Variants in ATP8A2 observed in about 807,000 individuals in gnomAD.
The protein encoded by ATP8A2 is ATPase phospholipid transporting 8A2.
Under a neutral mutation model 165.6 loss-of-function variants are expected in ATP8A2, and 100 were observed. The observed-to-expected ratio is 0.60, with a 90% confidence interval of 0.51 to 0.71. ATP8A2 has a LOEUF of 0.71. Ranked by LOEUF, ATP8A2 falls within the 30% of genes least tolerant of loss-of-function variation. The pLI, the probability that ATP8A2 is intolerant of heterozygous loss-of-function variation, is 0.00. For missense variants in ATP8A2, 1,227 were observed against 1,479.5 expected, an observed-to-expected ratio of 0.83 and a Z score of 2.80; for synonymous variants, 543 against 548.8, an observed-to-expected ratio of 0.99 and a Z score of 0.15.
chr13:25,736,639 A>G (rs1181580207), intron 25 of ATP8A2, among the ~76,000 whole-genome samples: 2 of 152,216 alleles, frequency 1.3e-5, no homozygotes, highest in Non-Finnish European at 2.9e-5. Flanking sequence ...GAATTCTGCT[A>G]TTGCTGCACA....
chr13:25,795,968 AAGAC>A, intron 27 of ATP8A2, among the ~76,000 whole-genome samples: 1 of 151,628 alleles, frequency 6.6e-6, no homozygotes, highest in Admixed American at 6.6e-5. Context: ...TTTTTTTTAA[AAGAC>A]AGGGTCTTGC....
chr13:25,923,865 A>G lies in ATP8A2; in HGVS notation c.3184-37710A>G, dbSNP rs139575242. 1.4e-3 allele frequency among the ~76,000 whole-genome samples: 209 copies of G among 152,324 alleles called. 2 individuals are homozygous for G. The highest frequency in any genetic ancestry group is 4.7e-3 in the African/African-American group (194 of 41,578). ...TCTAAGATTGCCACATAGGTAGATT[A>G]TGTAATCCTAGCATCTTCTGTGTGG... is the stretch of plus-strand genomic sequence containing the variant. On this transcript the variant is annotated intron_variant, in intron 33 of 36. Transcript: ENST00000381655.
intron 2 of ATP8A2, among the ~76,000 whole-genome samples, chr13:25,474,411 A>C (rs1050965255): frequency 9.2e-5 from 14 of 151,908 alleles, no homozygotes; most frequent in Non-Finnish European, 1.5e-5. Context: ...AATACAAAAA[A>C]ATTAGCTGGG....
chr13:25,845,135 C>T (rs1371029872), intron 30 of ATP8A2, among the ~76,000 whole-genome samples: 1 of 152,194 alleles, frequency 6.6e-6, no homozygotes, highest in African/African-American at 2.4e-5. Context: ...CACAGCCATA[C>T]ACTTACTGCC....
At chr13:25,483,679 T>C (rs1008686688) in intron 2 of ATP8A2, among the ~76,000 whole-genome samples, 14 of 152,090 alleles carry the variant, frequency 9.2e-5, no homozygotes, top group African/African-American at 2.7e-4. Context: ...GGCAGGAAGA[T>C]TGTTTGAGGC....
Position 25,877,901 on chromosome 13 carries a change from C to T in ATP8A2, c.3183+15493C>T, listed in dbSNP as rs1566229350. On this transcript the variant is annotated intron_variant, in intron 33 of 36. Coordinates refer to ENST00000381655, the MANE Select transcript of ATP8A2 (RefSeq NM_016529.6). ...CAAAGGGAACATGCTGCATTTCCAG[C>T]GACTTCCTAACAGTGTCACCTGTGT... is the stretch of plus-strand genomic sequence containing the variant. Among the ~76,000 whole-genome samples the T allele has an allele frequency of 3.9e-5, 6 of 152,160 alleles. 1 individual carries two copies. The South Asian group carries it at 8.3e-4, about 21-fold the overall frequency.
At position 25,443,712 on chromosome 13, in the gene ATP8A2, A is replaced by C. The variant is rs115110142; in HGVS notation, c.77-25265A>C. Among the ~76,000 whole-genome samples the C allele has an allele frequency of 4.9e-3, 742 of 152,202 alleles. 5 individuals carry two copies. The highest frequency in any genetic ancestry group is 0.017 in the African/African-American group (716 of 41,514). On this transcript the variant is annotated intron_variant, in intron 1 of 36. Coordinates refer to ENST00000381655, the MANE Select transcript of ATP8A2 (RefSeq NM_016529.6). ...TTTTCTCTTTATAAAATACTGCATA[A>C]ATTATTTGTTTATTTTGTTTATTGT...
At chr13:25,576,761 T>A (rs2039629983) in intron 19 of ATP8A2, among the ~76,000 whole-genome samples, 2 of 152,070 alleles carry the variant, frequency 1.3e-5, no homozygotes, top group Non-Finnish European at 2.9e-5. Flanking sequence ...TTTTAGAGAG[T>A]AGAGTCAGAA....
chr13:25,790,899 G>C (rs1207518558), intron 27 of ATP8A2, among the ~76,000 whole-genome samples: 1 of 152,098 alleles, frequency 6.6e-6, no homozygotes, highest in East Asian at 1.9e-4. Context: ...TGGCGAGGTG[G>C]TGGAGAAAAA....
intron 33 of ATP8A2, among the ~76,000 whole-genome samples, chr13:25,952,426 A>G (rs1418149222): frequency 6.6e-6 from 1 of 151,832 alleles, no homozygotes; most frequent in Non-Finnish European, 1.5e-5. Flanking sequence ...TGTCACCTAA[A>G]CTGGAGTGCA....
intron 24 of ATP8A2, 85 bp downstream of exon 24, chr13:25,589,784 T>C (rs936341167): frequency 8.3e-6 from 7 of 843,348 alleles, no homozygotes; most frequent in African/African-American, 5.2e-5. Context: ...TCAGGGATCA[T>C]GTTTTGCTAA....
intron 24 of ATP8A2, chr13:25,648,999 ATCT>A (rs751210457): frequency 2.0e-6 from 1 of 504,158 alleles, no homozygotes; most frequent in East Asian, 5.6e-5. Flanking sequence ...CATTTTATTG[ATCT>A]CCCTTTCATT....
At chr13:25,684,546 C>A (rs1052594568) in intron 24 of ATP8A2, among the ~76,000 whole-genome samples, 7 of 152,166 alleles carry the variant, frequency 4.6e-5, no homozygotes, top group Non-Finnish European at 7.3e-5. Context: ...AAATTAGAAA[C>A]CTCTTGGTAT....
intron 27 of ATP8A2, among the ~76,000 whole-genome samples, chr13:25,790,544 A>T (rs961309296): frequency 1.3e-5 from 2 of 151,656 alleles, no homozygotes; most frequent in African/African-American, 4.8e-5. Flanking sequence ...AAAGTCCAAA[A>T]ATTAGCTGGG....
intron 15 of ATP8A2, among the ~76,000 whole-genome samples, chr13:25,561,171 A>G (rs2039142085): frequency 1.3e-5 from 2 of 152,184 alleles, no homozygotes; most frequent in South Asian, 4.1e-4. Context: ...ATTATTTTGG[A>G]CATTCATTGG....
At chr13:25,443,250 C>T (rs1469424154) in intron 1 of ATP8A2, among the ~76,000 whole-genome samples, 1 of 152,106 alleles carries the variant, frequency 6.6e-6, no homozygotes, top group South Asian at 2.1e-4. Flanking sequence ...TGATAGCAAC[C>T]TATAGTGATT....
At chr13:25,902,339 G>A (rs1283710891) in intron 33 of ATP8A2, among the ~76,000 whole-genome samples, 1 of 152,018 alleles carries the variant, frequency 6.6e-6, no homozygotes, top group Non-Finnish European at 1.5e-5. Context: ...CAAAGCCTTG[G>A]GAAACACTGG....
chr13:25,985,167 T>C (rs1342984964), intron 35 of ATP8A2, among the ~76,000 whole-genome samples: 5 of 152,214 alleles, frequency 3.3e-5, no homozygotes, highest in African/African-American at 1.2e-4. Flanking sequence ...ACCTACTGGG[T>C]AGCTGTTTAT....
intron 33 of ATP8A2, among the ~76,000 whole-genome samples, chr13:25,952,447 C>T (rs1212500228): frequency 6.6e-6 from 1 of 151,634 alleles, no homozygotes; most frequent in Non-Finnish European, 1.5e-5. Flanking sequence ...GTGGCACAAT[C>T]ATAGCTCACT....
Sources: allele counts gnomAD v4.1 joint callset (sites outside exome capture counted in the v4.1 genomes callset), GRCh38; gene constraint gnomAD v4.1.1; transcripts MANE v1.5; gene names NCBI Gene and HGNC (gene_info 2026-07-23, HGNC 2026-07-21).